TMEM178B: variants seen among roughly 807,000 people sequenced by gnomAD.
TMEM178B encodes the protein transmembrane protein 178B.
TMEM178B carries 5 observed loss-of-function variants against 31.0 expected under a neutral mutation model. The ratio of observed to expected loss-of-function variants is 0.16; its 90% confidence interval spans 0.08 to 0.34. TMEM178B has a LOEUF of 0.34. Among genes scored for constraint, TMEM178B ranks in the 10% least tolerant of loss-of-function variants. TMEM178B has a pLI of 1.00. For missense variants in TMEM178B, 275 were observed against 400.3 expected (o/e 0.69, Z 2.67); for synonymous variants, 164 against 164.0 (o/e 1.00, Z 0.00).
intron 2 of TMEM178B, among the ~76,000 whole-genome samples, chr7:141,282,153 A>T (rs1047746685): frequency 6.6e-6 from 1 of 152,182 alleles, no homozygotes; most frequent in Admixed American, 6.5e-5. Context: ...GCAGAACAAG[A>T]GGCACTCTAG....
rs539299037 is a variant in TMEM178B at position 141,421,354 on chromosome 7, T to C, written c.497-16254T>C. Among the ~76,000 whole-genome samples the C allele has an allele frequency of 1.6e-4, 24 of 152,354 alleles. No individual in the cohort carries two copies. The South Asian group carries it at 5.0e-3, about 32-fold the overall frequency. ...CACCTGTTAAATACACATTGGATGA[T>C]ACCAGTCATACTCACTGAGCCTTGT... On this transcript the variant is annotated intron_variant, in intron 2 of 3. Transcript: ENST00000565468.
At chr7:141,238,040 A>T (rs1172891530) in intron 2 of TMEM178B, among the ~76,000 whole-genome samples, 1 of 150,412 alleles carries the variant, frequency 6.6e-6, no homozygotes, top group Non-Finnish European at 1.5e-5. Context: ...AAAAAAAAAA[A>T]AGGAAATTAA....
chr7:141,096,794 C>G (rs1485223759), intron 1 of TMEM178B, among the ~76,000 whole-genome samples: 1 of 152,130 alleles, frequency 6.6e-6, no homozygotes, highest in African/African-American at 2.4e-5. Flanking sequence ...TCAAGGTAGT[C>G]AGACAGAAGT....
rs186545160 is a variant in TMEM178B at position 141,135,889 on chromosome 7, T to C, written c.382+61197T>C. Among the ~76,000 whole-genome samples, 87 of 151,750 alleles carry C rather than the reference T, an allele frequency of 5.7e-4. No individual in the cohort carries two copies. In the East Asian group the frequency reaches 0.015, roughly 26 times the overall value. ...ATAAATACCTAAGTGAAATAGAGACTAAAAAAATACAAAGGATCAGTGAAA... is the reference window on the plus strand; with the variant it reads ...ATAAATACCTAAGTGAAATAGAGACCAAAAAAATACAAAGGATCAGTGAAA... On this transcript the variant is annotated intron_variant, in intron 1 of 3. Coordinates refer to ENST00000565468, the MANE Select transcript of TMEM178B (RefSeq NM_001195278.2).
intron 2 of TMEM178B, among the ~76,000 whole-genome samples, chr7:141,288,760 G>A (rs1460309564): frequency 2.0e-5 from 3 of 152,328 alleles, no homozygotes; most frequent in South Asian, 2.1e-4. Flanking sequence ...AGGCTCTACA[G>A]TAAAGAGTGA....
rs1481741310 is a variant in TMEM178B at position 141,471,865 on chromosome 7, T to G, written c.*1079T>G. The G allele has an allele frequency of 6.6e-6, 1 of 152,150 alleles. No individual in the cohort carries two copies. Among genetic ancestry groups the G allele is most frequent in the Non-Finnish European group, 1.5e-5 (1 of 68,198 alleles). The allele number at this position is 152,150 out of a possible 1,614,324, so 9.4% of individuals were successfully genotyped here. A position where few individuals can be genotyped will look rare whatever the true frequency, so the allele number is the denominator to read the frequency against. On this transcript the variant is annotated 3_prime_UTR_variant, in exon 4 of 4. Transcript: ENST00000565468. The surrounding 1 kb of genome is among the most constrained non-coding windows in gnomAD (Gnocchi z 4.1). ...GGTTTTATTGTTTGTGTTGTGTTTT[T>G]TTAAATTGTTTCTGGTATAGCTGAA...
At chr7:141,505,344 A>G in the TMEM178B span, among the ~76,000 whole-genome samples, 3 of 152,358 alleles carry the variant, frequency 2.0e-5, no homozygotes, top group Middle Eastern at 3.4e-3. Flanking sequence ...GTCAAAATAG[A>G]AAGTCCACAT....
chr7:141,108,825 A>G (rs936392233), intron 1 of TMEM178B, among the ~76,000 whole-genome samples: 1 of 152,200 alleles, frequency 6.6e-6, no homozygotes, highest in Non-Finnish European at 1.5e-5. Flanking sequence ...GGAGTGTATT[A>G]GTCCGTTTTC....
intron 2 of TMEM178B, among the ~76,000 whole-genome samples, chr7:141,336,909 T>TCAC (rs777224721): frequency 1.3e-4 from 6 of 46,772 alleles, no homozygotes; most frequent in African/African-American, 1.9e-4. Context: ...ACCACCATCA[T>TCAC]CACCACCACC....
intron 1 of TMEM178B, among the ~76,000 whole-genome samples, chr7:141,179,909 G>A (rs911860784): frequency 7.2e-5 from 11 of 152,108 alleles, no homozygotes; most frequent in Non-Finnish European, 1.5e-4. Context: ...TCCTGGCCTC[G>A]CCGGTTTGTC....
At chr7:141,194,667 G>A (rs1179553772) in intron 1 of TMEM178B, among the ~76,000 whole-genome samples, 1 of 152,172 alleles carries the variant, frequency 6.6e-6, no homozygotes, top group Non-Finnish European at 1.5e-5. Context: ...TCTGGGTTCT[G>A]GAGGATGGTG....
intron 3 of TMEM178B, among the ~76,000 whole-genome samples, chr7:141,463,382 C>T (rs1802091777): frequency 6.6e-6 from 1 of 152,220 alleles, no homozygotes; most frequent in African/African-American, 2.4e-5. Context: ...AGGACAGTTC[C>T]TCCAATGACA....
rs190034790 is a variant in TMEM178B, at chr7:141,427,751, A to G, written c.497-9857A>G. The stretch of plus-strand genomic sequence containing the variant: ...CTGTACAGTAAAGGAAACCATCAAC[A>G]GAGTGAAGTAACAATCTACAGAATA... On this transcript the variant is annotated intron_variant, in intron 2 of 3. Coordinates refer to ENST00000565468, the MANE Select transcript of TMEM178B (RefSeq NM_001195278.2). 2.9e-3 allele frequency among the ~76,000 whole-genome samples: 444 copies of G among 152,348 alleles called. 2 individuals are homozygous for G. Among genetic ancestry groups the G allele is most frequent in the Non-Finnish European group, 3.6e-3 (243 of 68,028 alleles).
chr7:141,482,152 T>C (rs1335508625), downstream of TMEM178B, among the ~76,000 whole-genome samples: 1 of 152,230 alleles, frequency 6.6e-6, no homozygotes, highest in Non-Finnish European at 1.5e-5. Context: ...GAAACACACC[T>C]ACTCCTCCTC....
intron 2 of TMEM178B, among the ~76,000 whole-genome samples, chr7:141,410,076 C>T (rs1385102936): frequency 6.6e-6 from 1 of 152,210 alleles, no homozygotes; most frequent in Non-Finnish European, 1.5e-5. Flanking sequence ...TGCTCTGTGC[C>T]TGCCTTTTTA....
intron 3 of TMEM178B, among the ~76,000 whole-genome samples, chr7:141,464,578 T>A (rs1206621833): frequency 1.3e-5 from 2 of 152,214 alleles, no homozygotes; most frequent in Non-Finnish European, 2.9e-5. Flanking sequence ...TAATTCTTAT[T>A]TTAGATTGAT....
intron 2 of TMEM178B, among the ~76,000 whole-genome samples, chr7:141,216,470 T>TGCGC (rs1797152855): frequency 7.1e-6 from 1 of 140,028 alleles, no homozygotes; most frequent in African/African-American, 2.7e-5. Context: ...CGCGTGTGTG[T>TGCGC]GTGTGGGTGT....
chr7:141,108,113 A>G (rs544750862), intron 1 of TMEM178B, among the ~76,000 whole-genome samples: 1 of 152,296 alleles, frequency 6.6e-6, no homozygotes, highest in African/African-American at 2.4e-5. Context: ...GCCTGATTGG[A>G]CAAGGTTCAT....
At chr7:141,167,302 G>A (rs1216847375) in intron 1 of TMEM178B, among the ~76,000 whole-genome samples, 5 of 152,170 alleles carry the variant, frequency 3.3e-5, no homozygotes, top group Non-Finnish European at 7.3e-5. Context: ...TACCCCAAAT[G>A]CCCCTCACTG....
Sources: allele counts gnomAD v4.1 joint callset (sites outside exome capture counted in the v4.1 genomes callset), GRCh38; gene constraint gnomAD v4.1.1; non-coding constraint Gnocchi (gnomAD v3.1); transcripts MANE v1.5; gene names NCBI Gene and HGNC (gene_info 2026-07-23, HGNC 2026-07-21).